Variants in SLC44A5 observed in about 807,000 individuals in gnomAD.
SLC44A5 encodes the protein choline transporter-like protein 5.
In SLC44A5, 57 loss-of-function variants were observed where a neutral mutation model predicts 101.8. The observed-to-expected ratio is 0.56, with a 90% confidence interval of 0.45 to 0.70. The LOEUF is 0.70. Ranked by LOEUF, SLC44A5 falls within the 30% of genes least tolerant of loss-of-function variation. The pLI is 0.00. For synonymous variants in SLC44A5, 281 were observed against 290.9 expected (o/e 0.97, Z 0.35); for missense variants, 737 against 853.1 (o/e 0.86, Z 1.70).
At chr1:75,369,131 A>G (rs1175508735) in intron 3 of SLC44A5, among the ~76,000 whole-genome samples, 1 of 151,884 alleles carries the variant, frequency 6.6e-6, no homozygotes, top group South Asian at 2.1e-4. Context: ...TTCCTGCCTC[A>G]GCCTCCTGAG....
intron 6 of SLC44A5, among the ~76,000 whole-genome samples, chr1:75,262,318 C>T (rs750220626): frequency 1.3e-5 from 2 of 152,138 alleles, no homozygotes; most frequent in African/African-American, 2.4e-5. Flanking sequence ...GTGCAAAAAG[C>T]ACAAGCATTC....
intron 2 of SLC44A5, among the ~76,000 whole-genome samples, chr1:75,506,118 C>T (rs889910499): frequency 6.6e-6 from 1 of 152,096 alleles, no homozygotes; most frequent in Non-Finnish European, 1.5e-5. Flanking sequence ...GTCCTTTCCC[C>T]ATTGCTTATT....
intron 2 of SLC44A5, among the ~76,000 whole-genome samples, chr1:75,425,419 G>A (rs1442916666): frequency 2.0e-5 from 3 of 152,208 alleles, no homozygotes; most frequent in East Asian, 1.9e-4. Context: ...GCAGATGGTC[G>A]ATAAAGCTGT....
intron 2 of SLC44A5, among the ~76,000 whole-genome samples, chr1:75,413,887 A>G (rs972005903): frequency 6.6e-6 from 1 of 152,114 alleles, no homozygotes; most frequent in African/African-American, 2.4e-5. Flanking sequence ...TGAAAGCTAT[A>G]TTCTCCCTAG....
chr1:75,322,178 G>A (rs1272865687), intron 4 of SLC44A5, among the ~76,000 whole-genome samples: 2 of 152,090 alleles, frequency 1.3e-5, no homozygotes, highest in Non-Finnish European at 2.9e-5. Context: ...CTGGTGTGGT[G>A]GCACATGCCT....
chr1:75,713,960 A>G, the SLC44A5 span, among the ~76,000 whole-genome samples: 1 of 134,960 alleles, frequency 7.4e-6, no homozygotes, highest in Non-Finnish European at 1.8e-5. Context: ...GTGCCACCAC[A>G]CAAAGGAAAT....
chr1:75,291,329 C>T (rs1404493607), intron 5 of SLC44A5, among the ~76,000 whole-genome samples: 1 of 152,058 alleles, frequency 6.6e-6, no homozygotes, highest in East Asian at 1.9e-4. Flanking sequence ...ATAATTTCTT[C>T]GTTCATTCTA....
chr1:75,682,905 A>G, the SLC44A5 span, among the ~76,000 whole-genome samples: 15 of 152,146 alleles, frequency 9.9e-5, no homozygotes, highest in Non-Finnish European at 1.9e-4. Flanking sequence ...AAACAAATTA[A>G]CAAGAAAAAA....
intron 5 of SLC44A5, among the ~76,000 whole-genome samples, chr1:75,279,453 C>A (rs1341790373): frequency 6.6e-6 from 1 of 152,088 alleles, no homozygotes; most frequent in Non-Finnish European, 1.5e-5. Flanking sequence ...ACATCATAAC[C>A]ACAACTTCAT....
At chr1:75,630,634 C>T in the SLC44A5 span, among the ~76,000 whole-genome samples, 1 of 152,022 alleles carries the variant, frequency 6.6e-6, no homozygotes, top group African/African-American at 2.4e-5. Context: ...GGCTATCTGA[C>T]TGGTCCAAAT....
At chr1:75,220,838 CTA>C (rs1647063089) in intron 14 of SLC44A5, among the ~76,000 whole-genome samples, 1 of 152,112 alleles carries the variant, frequency 6.6e-6, no homozygotes, top group African/African-American at 2.4e-5. Flanking sequence ...ACTATTTAAT[CTA>C]TAGTGTTTTC....
intron 1 of SLC44A5, among the ~76,000 whole-genome samples, chr1:75,562,695 A>T (rs893477659): frequency 5.3e-5 from 8 of 152,024 alleles, no homozygotes; most frequent in African/African-American, 1.2e-4. Context: ...GTCACAAAAA[A>T]ATATATATAA....
intron 2 of SLC44A5, among the ~76,000 whole-genome samples, chr1:75,477,319 A>G (rs1667484018): frequency 6.6e-6 from 1 of 152,218 alleles, no homozygotes; most frequent in South Asian, 2.1e-4. Context: ...ACAGAGCAGA[A>G]AAACTGGAAA....
chr1:75,426,659 A>T (rs952684541), intron 2 of SLC44A5, among the ~76,000 whole-genome samples: 3 of 152,232 alleles, frequency 2.0e-5, no homozygotes, highest in Non-Finnish European at 4.4e-5. Flanking sequence ...AAGAAGTAAG[A>T]GTCTACCTCC....
At position 75,338,262 on chromosome 1, in the gene SLC44A5, TTACCTGAACTACACGG is replaced by T. The variant is rs1657597951; in HGVS notation, c.101+1304_101+1319del. On this transcript the variant is annotated intron_variant, in intron 4 of 23. Transcript: ENST00000370859. ...AGTGATTATCACAGTCGTTTAGACT[TTACCTGAACTACACGG>T]TTCCGTCATTAAATTCTACATAATG... Among the ~76,000 whole-genome samples, 3 of 152,270 alleles carry T rather than the reference TTACCTGAACTACACGG, an allele frequency of 2.0e-5. No homozygotes were observed. In the South Asian group the frequency reaches 6.2e-4, roughly 32 times the overall value.
chr1:75,362,396 T>C (rs2101121050), intron 3 of SLC44A5, among the ~76,000 whole-genome samples: 1 of 152,126 alleles, frequency 6.6e-6, no homozygotes, highest in South Asian at 2.1e-4. Flanking sequence ...TTATTTGAAC[T>C]CTCTTCTTTT....
At chr1:75,674,599 C>T in the SLC44A5 span, among the ~76,000 whole-genome samples, 3 of 115,532 alleles carry the variant, frequency 2.6e-5, no homozygotes, top group African/African-American at 7.1e-5. Flanking sequence ...AGACTGGTTT[C>T]GAACTCCTGA....
At chr1:75,520,581 G>A (rs1279031947) in intron 2 of SLC44A5, among the ~76,000 whole-genome samples, 1 of 152,144 alleles carries the variant, frequency 6.6e-6, no homozygotes, top group Non-Finnish European at 1.5e-5. Context: ...AAGAGGAGGG[G>A]AAAGGTGGGT....
intron 9 of SLC44A5, among the ~76,000 whole-genome samples, chr1:75,240,774 G>C (rs965986333): frequency 1.3e-5 from 2 of 151,920 alleles, no homozygotes; most frequent in African/African-American, 4.8e-5. Flanking sequence ...CTTTTTAAGA[G>C]AAATATATAC....
Sources: allele counts gnomAD v4.1 joint callset (sites outside exome capture counted in the v4.1 genomes callset), GRCh38; gene constraint gnomAD v4.1.1; transcripts MANE v1.5; gene names NCBI Gene and HGNC (gene_info 2026-07-23, HGNC 2026-07-21).